LINGO2: variants seen among roughly 807,000 people sequenced by gnomAD.
LINGO2 encodes leucine rich repeat and Ig domain containing 2.
In LINGO2, 14 loss-of-function variants were observed where a neutral mutation model predicts 30.6. The ratio of observed to expected loss-of-function variants is 0.46; its 90% confidence interval spans 0.30 to 0.72. The LOEUF is 0.72. Ranked by LOEUF, LINGO2 falls within the 30% of genes least tolerant of loss-of-function variation. The pLI is 0.07. For missense variants in LINGO2, 729 were observed against 751.7 expected, an observed-to-expected ratio of 0.97 and a Z score of 0.35; for synonymous variants, 317 against 288.5, an observed-to-expected ratio of 1.10 and a Z score of -1.00.
intron 3 of LINGO2, among the ~76,000 whole-genome samples, chr9:28,333,264 C>T (rs1358711042): frequency 1.3e-5 from 2 of 152,144 alleles, no homozygotes; most frequent in Admixed American, 6.5e-5. Context: ...AGGAAGAACA[C>T]TTGATTCAAT....
intron 4 of LINGO2, among the ~76,000 whole-genome samples, chr9:28,206,522 C>G (rs577524428): frequency 1.3e-5 from 2 of 152,252 alleles, no homozygotes; most frequent in South Asian, 4.1e-4. Context: ...GGCAGTCTAT[C>G]TAGAGATTAA....
intron 4 of LINGO2, among the ~76,000 whole-genome samples, chr9:28,257,116 G>T (rs1822408247): frequency 6.6e-6 from 1 of 150,870 alleles, no homozygotes; most frequent in Non-Finnish European, 1.5e-5. Flanking sequence ...TGACATAAAT[G>T]CTATAATTAT....
chr9:28,013,198 A>AT (rs1822647552), intron 4 of LINGO2, among the ~76,000 whole-genome samples: 1 of 152,132 alleles, frequency 6.6e-6, no homozygotes, highest in African/African-American at 2.4e-5. Flanking sequence ...GGCACATAGA[A>AT]TTCCCTATTT....
intron 1 of LINGO2, among the ~76,000 whole-genome samples, chr9:28,526,603 T>G (rs1175105496): frequency 6.6e-6 from 1 of 152,210 alleles, no homozygotes; most frequent in Non-Finnish European, 1.5e-5. Context: ...TAAATCTAAA[T>G]GAATTCTATG....
At chr9:28,545,675 T>C (rs997480563) in intron 1 of LINGO2, among the ~76,000 whole-genome samples, 2 of 151,972 alleles carry the variant, frequency 1.3e-5, no homozygotes, top group African/African-American at 4.8e-5. Context: ...GAACTTTTAG[T>C]GGTCCTTAGG....
chr9:28,399,129 G>T (rs1324830513), intron 2 of LINGO2, among the ~76,000 whole-genome samples: 1 of 152,132 alleles, frequency 6.6e-6, no homozygotes, highest in Non-Finnish European at 1.5e-5. Flanking sequence ...ATCTGCCAAA[G>T]AATTTTTCCC....
chr9:28,327,445 G>A (rs1019906164), intron 3 of LINGO2, among the ~76,000 whole-genome samples: 1 of 152,156 alleles, frequency 6.6e-6, no homozygotes, highest in Non-Finnish European at 1.5e-5. Context: ...GCTTTTTCAA[G>A]CTCATTTTGT....
Position 28,163,256 on chromosome 9 carries a change from T to C in LINGO2, c.-87+131952A>G, listed in dbSNP as rs112955130. Among the ~76,000 whole-genome samples the C allele has an allele frequency of 8.6e-3, 1,306 of 152,188 alleles. 18 individuals carry two copies. Among genetic ancestry groups the C allele is most frequent in the African/African-American group, 0.022 (898 of 41,540 alleles). Reference sequence around the variant, plus strand: ...GATTTGAGGAGGCATTGAAAGAAGGTATCAATCGAATCTGCAGTAAAATGA... The same window carrying C: ...GATTTGAGGAGGCATTGAAAGAAGGCATCAATCGAATCTGCAGTAAAATGA... On this transcript the variant is annotated intron_variant, in intron 4 of 5. Transcript: ENST00000379992.
the LINGO2 span, among the ~76,000 whole-genome samples, chr9:29,145,564 C>G: frequency 2.7e-5 from 4 of 150,644 alleles, no homozygotes; most frequent in African/African-American, 9.7e-5. Context: ...AGTTATCTGT[C>G]TCTGTACAAT....
chr9:29,161,844 G>A, the LINGO2 span, among the ~76,000 whole-genome samples: 1 of 151,812 alleles, frequency 6.6e-6, no homozygotes, highest in Non-Finnish European at 1.5e-5. Context: ...CCATATTAGT[G>A]CTATTGAAAT....
At chr9:28,492,402 A>G (rs1457320666) in intron 1 of LINGO2, among the ~76,000 whole-genome samples, 1 of 152,220 alleles carries the variant, frequency 6.6e-6, no homozygotes, top group Non-Finnish European at 1.5e-5. Flanking sequence ...TTTTAGGAAG[A>G]ATCCAAAAGT....
At chr9:28,751,531 C>A in the LINGO2 span, among the ~76,000 whole-genome samples, 4 of 151,904 alleles carry the variant, frequency 2.6e-5, no homozygotes, top group African/African-American at 7.3e-5. Flanking sequence ...TATTTTAAGT[C>A]TTTTTAATAT....
the LINGO2 span, among the ~76,000 whole-genome samples, chr9:29,113,104 G>T: frequency 6.6e-6 from 1 of 152,146 alleles, no homozygotes. Context: ...ACTTCAAAAA[G>T]TTCATGGAAA....
At chr9:28,466,855 A>C (rs1410659290) in intron 2 of LINGO2, among the ~76,000 whole-genome samples, 10 of 152,166 alleles carry the variant, frequency 6.6e-5, no homozygotes, top group Admixed American at 5.9e-4. Context: ...TTATCCAGCT[A>C]TCTCTGTATC....
intron 2 of LINGO2, among the ~76,000 whole-genome samples, chr9:28,380,248 G>T (rs935161013): frequency 2.0e-5 from 3 of 151,902 alleles, no homozygotes. Context: ...TGTCTAAAAT[G>T]TACCTGGCAA....
chr9:28,317,187 T>C (rs1245895238), intron 3 of LINGO2, among the ~76,000 whole-genome samples: 3 of 152,214 alleles, frequency 2.0e-5, no homozygotes, highest in African/African-American at 7.2e-5. Flanking sequence ...GCACGAATTA[T>C]AAAGATGCAT....
At chr9:28,453,652 C>T (rs1824734011) in intron 2 of LINGO2, among the ~76,000 whole-genome samples, 1 of 151,868 alleles carries the variant, frequency 6.6e-6, no homozygotes, top group East Asian at 1.9e-4. Flanking sequence ...TGGTCTAATT[C>T]AGATTTATAG....
At chr9:28,937,650 C>A in the LINGO2 span, among the ~76,000 whole-genome samples, 2 of 152,156 alleles carry the variant, frequency 1.3e-5, no homozygotes, top group Non-Finnish European at 2.9e-5. Flanking sequence ...AGGGCAGCCT[C>A]ATCCTCTGAA....
At chr9:28,464,685 T>A (rs921465752) in intron 2 of LINGO2, among the ~76,000 whole-genome samples, 1 of 152,170 alleles carries the variant, frequency 6.6e-6, no homozygotes, top group Non-Finnish European at 1.5e-5. Context: ...TCTTAGAAAT[T>A]CTTGGTAAAG....
Sources: gnomAD v4.1 joint callset for allele counts (sites outside exome capture counted in the v4.1 genomes callset) on GRCh38, gnomAD v4.1.1 for gene constraint, MANE v1.5 for transcripts, NCBI Gene and HGNC (gene_info 2026-07-23, HGNC 2026-07-21) for gene names.